Variants in GGTA1 observed in about 807,000 individuals in gnomAD.
GGTA1 encodes the protein glycoprotein alpha-galactosyltransferase 1 (inactive).
GGTA1 carries 5 observed loss-of-function variants against 2.6 expected under a neutral mutation model. That is an observed-to-expected ratio of 1.92 (90% CI 1.00 to 4.04). The LOEUF is 4.04. Among genes scored for constraint, GGTA1 ranks in the 30% most tolerant of loss-of-function variants. The pLI is 0.00. For synonymous variants in GGTA1, 17 were observed against 5.0 expected, an observed-to-expected ratio of 3.38 and a Z score of -3.19; for missense variants, 50 against 16.7, an observed-to-expected ratio of 2.99 and a Z score of -3.47.
chr9:121,466,690 C>G (rs920967805), intron 2 of GGTA1, among the ~76,000 whole-genome samples: 1 of 152,084 alleles, frequency 6.6e-6, no homozygotes, highest in Non-Finnish European at 1.5e-5. Context: ...TGGTGGCTCA[C>G]GCCTGTAATC....
intron 1 of GGTA1, among the ~76,000 whole-genome samples, chr9:121,492,140 C>T (rs1057123132): frequency 6.6e-6 from 1 of 152,208 alleles, no homozygotes; most frequent in Non-Finnish European, 1.5e-5. Flanking sequence ...GCCTCAGTTC[C>T]TGGTGTCCAA....
intron 7 of GGTA1, among the ~76,000 whole-genome samples, chr9:121,448,040 C>T (rs1488984865): frequency 2.0e-5 from 3 of 152,152 alleles, no homozygotes; most frequent in African/African-American, 7.2e-5. Flanking sequence ...CTGTAGGTGC[C>T]TGGATGCTTA....
exon 8 of GGTA1, chr9:121,445,166 G>A (rs1213016296): frequency 1.3e-5 from 2 of 151,992 alleles, no homozygotes; most frequent in Non-Finnish European, 2.9e-5. Context: ...AAACTTTCAG[G>A]CTAGATCATT....
At chr9:121,494,200 A>G (rs540259465) in intron 1 of GGTA1, among the ~76,000 whole-genome samples, 97 of 152,294 alleles carry the variant, frequency 6.4e-4, no homozygotes, top group African/African-American at 2.0e-3. Flanking sequence ...GCACACCCCC[A>G]AAGTCTCTTG....
intron 1 of GGTA1, among the ~76,000 whole-genome samples, chr9:121,499,423 AGG>A (rs1829059484): frequency 6.6e-6 from 1 of 152,050 alleles, no homozygotes; most frequent in Non-Finnish European, 1.5e-5. Context: ...GGCTGGACAG[AGG>A]GAGGGACGGC....
At position 121,464,499 on chromosome 9, in the gene GGTA1, G is replaced by T. The variant is rs534638865; in HGVS notation, c.81-1171C>A. Among the ~76,000 whole-genome samples, 52 of 152,070 alleles carry T rather than the reference G, an allele frequency of 3.4e-4. No individual in the cohort carries two copies. In the Middle Eastern group the frequency reaches 0.02, roughly 60 times the overall value. ...ACACCACCATGCCTGGCTAATTTTT[G>T]TATTTTTAGTAGAGACGGGGTTTCA... On this transcript the variant is annotated intron_variant, in intron 2 of 5. Coordinates refer to ENST00000481799, the MANE Select transcript of GGTA1 (RefSeq NM_001382585.1).
At chr9:121,471,075 A>G (rs572797825) in intron 1 of GGTA1, among the ~76,000 whole-genome samples, 84 of 152,208 alleles carry the variant, frequency 5.5e-4, no homozygotes, top group Non-Finnish European at 1.1e-3. Flanking sequence ...GAAGCCTGAA[A>G]ATGTCAACAT....
chr9:121,482,272 A>G (rs1016880777), intron 1 of GGTA1, among the ~76,000 whole-genome samples: 2 of 152,082 alleles, frequency 1.3e-5, no homozygotes, highest in Admixed American at 6.6e-5. Context: ...GATGGAGACC[A>G]GTCTAGGCAA....
chr9:121,458,098 C>T (rs1003381429), intron 5 of GGTA1, among the ~76,000 whole-genome samples: 14 of 151,588 alleles, frequency 9.2e-5, no homozygotes, highest in Admixed American at 4.6e-4. Flanking sequence ...GCAGTAGAGA[C>T]GGGGTTTCAC....
At chr9:121,479,175 A>G (rs1828581252) in intron 1 of GGTA1, 1 of 450,842 alleles carries the variant, frequency 2.2e-6, no homozygotes, top group Admixed American at 2.5e-5. Flanking sequence ...AGGGCGATCC[A>G]CCCGTGACCC....
chr9:121,493,916 C>G (rs1443676492), intron 1 of GGTA1, among the ~76,000 whole-genome samples: 1 of 151,902 alleles, frequency 6.6e-6, no homozygotes, highest in East Asian at 1.9e-4. Context: ...ACAACCACGC[C>G]CAGCTAATTT....
chr9:121,484,047 G>A (rs1051373446), intron 1 of GGTA1, among the ~76,000 whole-genome samples: 6 of 152,158 alleles, frequency 3.9e-5, no homozygotes, highest in South Asian at 2.1e-4. Flanking sequence ...GCTGCAGAAC[G>A]TGGTGGTTAT....
chr9:121,462,909 G>T (rs796582692), intron 3 of GGTA1: 5 of 158,672 alleles, frequency 3.2e-5, no homozygotes, highest in African/African-American at 9.6e-5. Context: ...ATACACACTA[G>T]TTTCTCAAGA....
downstream of GGTA1, among the ~76,000 whole-genome samples, chr9:121,453,849 C>T (rs1471614369): frequency 6.6e-6 from 1 of 152,182 alleles, no homozygotes. Flanking sequence ...TCATCCCCTG[C>T]CTCATCCCAG....
intron 1 of GGTA1, among the ~76,000 whole-genome samples, chr9:121,492,007 G>A (rs1406350854): frequency 6.6e-6 from 1 of 152,202 alleles, no homozygotes; most frequent in Non-Finnish European, 1.5e-5. Flanking sequence ...CCAGGACCTA[G>A]TAGGTGCTCA....
chr9:121,460,220 C>A lies in GGTA1; in HGVS notation c.183-1G>T. ...TTCCCCTTGTTGATAATTGTGGATCCTAAGTACAAAGGGAAAGTAAACCAG... is the reference window on the plus strand; with the variant it reads ...TTCCCCTTGTTGATAATTGTGGATCATAAGTACAAAGGGAAAGTAAACCAG... On this transcript the variant is annotated splice_acceptor_variant, in intron 4 of 5. Transcript: ENST00000481799. LOFTEE classifies it high-confidence loss of function. The A allele has an allele frequency of 2.2e-6, 1 of 457,068 alleles. No individual in the cohort carries two copies. 28.3% of individuals were successfully genotyped at this position (457,068 alleles called of 1,614,324 possible).
At chr9:121,490,659 A>G (rs927752907) in intron 1 of GGTA1, among the ~76,000 whole-genome samples, 1 of 152,248 alleles carries the variant, frequency 6.6e-6, no homozygotes, top group African/African-American at 2.4e-5. Flanking sequence ...CAGGTGCTAG[A>G]GCAACGTTAC....
chr9:121,458,503 T>C (rs1226654695), intron 5 of GGTA1, among the ~76,000 whole-genome samples: 1 of 151,860 alleles, frequency 6.6e-6, no homozygotes, highest in South Asian at 2.1e-4. Flanking sequence ...GGCGCATGCC[T>C]GTAGTCCCAG....
At chr9:121,470,484 A>G (rs973566303) in intron 1 of GGTA1, among the ~76,000 whole-genome samples, 1 of 152,280 alleles carries the variant, frequency 6.6e-6, no homozygotes, top group East Asian at 1.9e-4. Context: ...CAGACATTCA[A>G]GTCTGAAGTT....
Sources: allele counts gnomAD v4.1 joint callset (sites outside exome capture counted in the v4.1 genomes callset), GRCh38; gene constraint gnomAD v4.1.1; transcripts MANE v1.5; gene names NCBI Gene and HGNC (gene_info 2026-07-23, HGNC 2026-07-21).